Variants in NIM1K observed in about 807,000 individuals in gnomAD.
The protein encoded by NIM1K is serine/threonine-protein kinase NIM1.
A neutral mutation model predicts 37.1 loss-of-function variants in NIM1K; 35 were observed. That is an observed-to-expected ratio of 0.94 (90% CI 0.72 to 1.25). The LOEUF (loss-of-function observed/expected upper bound fraction) is 1.25, where lower values mean the gene tolerates loss of function less well. Among genes scored for constraint, NIM1K ranks in the 50% most tolerant of loss-of-function variants. The pLI, the probability that NIM1K is intolerant of heterozygous loss-of-function variation, is 0.00. For missense variants in NIM1K, 564 were observed against 548.0 expected (o/e 1.03, Z -0.29); for synonymous variants, 234 against 206.6 (o/e 1.13, Z -1.14).
At chr5:43,257,257 C>T (rs1018715596) in intron 2 of NIM1K, among the ~76,000 whole-genome samples, 1 of 151,370 alleles carries the variant, frequency 6.6e-6, no homozygotes, top group Non-Finnish European at 1.5e-5. Context: ...CTGATTTTAG[C>T]AATTTGGAGG....
chr5:43,256,584 C>T (rs1483451892), intron 2 of NIM1K, among the ~76,000 whole-genome samples: 1 of 152,142 alleles, frequency 6.6e-6, no homozygotes, highest in Non-Finnish European at 1.5e-5. Flanking sequence ...CCCCATTCCC[C>T]CTTGGGCCTT....
At chr5:43,252,831 A>G (rs937642245) in intron 2 of NIM1K, among the ~76,000 whole-genome samples, 1 of 152,160 alleles carries the variant, frequency 6.6e-6, no homozygotes, top group African/African-American at 2.4e-5. Context: ...AAACAAAAGA[A>G]GTGGCAGCGA....
intron 2 of NIM1K, among the ~76,000 whole-genome samples, chr5:43,260,543 TA>T (rs1389479032): frequency 6.6e-6 from 1 of 152,218 alleles, no homozygotes; most frequent in African/African-American, 2.4e-5. Flanking sequence ...GTTTTGTTTT[TA>T]ATTCTGTTTA....
At chr5:43,255,509 G>T (rs1384645269) in intron 2 of NIM1K, among the ~76,000 whole-genome samples, 2 of 152,180 alleles carry the variant, frequency 1.3e-5, no homozygotes, top group African/African-American at 2.4e-5. Flanking sequence ...CCAGCACTTT[G>T]GGAGGCCAAG....
chr5:43,234,198 A>T (rs1327589634), intron 1 of NIM1K, among the ~76,000 whole-genome samples: 1 of 152,168 alleles, frequency 6.6e-6, no homozygotes, highest in Non-Finnish European at 1.5e-5. Flanking sequence ...GTGAAAAGGG[A>T]ATGACAATAC....
intron 2 of NIM1K, among the ~76,000 whole-genome samples, chr5:43,247,010 C>T (rs1461325638): frequency 6.6e-6 from 1 of 152,174 alleles, no homozygotes; most frequent in Admixed American, 6.5e-5. Flanking sequence ...GCCACCATGT[C>T]TCCAAGGCCC....
rs142537274 is a variant in NIM1K, at chr5:43,260,699, G to A, written c.292+14632G>A. 5.9e-5 allele frequency among the ~76,000 whole-genome samples: 9 copies of A among 152,098 alleles called. No homozygotes were observed. In the East Asian group the frequency reaches 1.4e-3, roughly 23 times the overall value. ...ATATGTATACATGTGCCATATTGGT[G>A]TGCTGTACCCATTAACTGATCATTT... On this transcript the variant is annotated intron_variant, in intron 2 of 3. Coordinates refer to ENST00000326035, the MANE Select transcript of NIM1K (RefSeq NM_153361.4).
At chr5:43,222,739 A>G (rs1752398929) in intron 1 of NIM1K, among the ~76,000 whole-genome samples, 2 of 152,034 alleles carry the variant, frequency 1.3e-5, no homozygotes, top group African/African-American at 4.8e-5. Flanking sequence ...CCCTTAAAAA[A>G]AAAAGAAAAA....
intron 1 of NIM1K, among the ~76,000 whole-genome samples, chr5:43,206,365 T>C (rs1260975124): frequency 6.2e-5 from 9 of 144,070 alleles, no homozygotes; most frequent in Non-Finnish European, 1.2e-4. Flanking sequence ...CCAGGAGGGG[T>C]GGTGCGTTCC....
chr5:43,209,748 A>T (rs890707270), intron 1 of NIM1K, among the ~76,000 whole-genome samples: 4 of 151,982 alleles, frequency 2.6e-5, no homozygotes, highest in Non-Finnish European at 4.4e-5. Flanking sequence ...CCTCCAGAGT[A>T]GCTGGGATTA....
intron 1 of NIM1K, chr5:43,207,575 C>T (rs1258377100): frequency 1.5e-6 from 1 of 683,350 alleles, no homozygotes; most frequent in Non-Finnish European, 2.8e-6. Flanking sequence ...GTTTCTCAGA[C>T]TGAATCTTGA....
chr5:43,277,174 A>G lies in NIM1K; in HGVS notation c.410A>G (p.Tyr137Cys), dbSNP rs1354893347. 2 of 1,614,124 alleles carry G rather than the reference A, an allele frequency of 1.2e-6. No homozygotes were observed. The highest frequency in any genetic ancestry group is 1.7e-6 in the Non-Finnish European group (2 of 1,180,012). ...KLHHPNIIRL[Y>C]EVVETLSKLH... ...CACCATCCCAACATCATCCGCCTTT[A>G]CGAAGTGGTGGAGACCCTATCCAAG... The change falls in exon 3 of 4, where the codon TAC becomes TGC. Residue 137 changes from tyrosine (Y) to cysteine (C), a missense_variant. Tyr to Cys is a radical substitution (Grantham distance 194). Transcript: ENST00000326035.
At chr5:43,211,877 G>A (rs1752209655) in intron 1 of NIM1K, among the ~76,000 whole-genome samples, 2 of 151,734 alleles carry the variant, frequency 1.3e-5, no homozygotes, top group South Asian at 2.1e-4. Context: ...TGGGAAGTAG[G>A]GAAGCCTGCT....
chr5:43,212,492 C>T (rs1025198281), intron 1 of NIM1K, among the ~76,000 whole-genome samples: 6 of 151,586 alleles, frequency 4.0e-5, no homozygotes, highest in Non-Finnish European at 7.4e-5. Context: ...CTGTAACATA[C>T]CATGGTTTCA....
At chr5:43,196,527 C>G (rs1335933380) in intron 1 of NIM1K, among the ~76,000 whole-genome samples, 2 of 151,098 alleles carry the variant, frequency 1.3e-5, no homozygotes, top group East Asian at 3.9e-4. Flanking sequence ...CCCAGCTACT[C>G]GGGAGGCTGA....
At chr5:43,267,214 C>T (rs1455129778) in intron 2 of NIM1K, among the ~76,000 whole-genome samples, 3 of 152,130 alleles carry the variant, frequency 2.0e-5, no homozygotes, top group Non-Finnish European at 4.4e-5. Context: ...AGGAATTTAT[C>T]CATTTCTTCT....
intron 2 of NIM1K, among the ~76,000 whole-genome samples, chr5:43,266,321 C>T (rs1213001275): frequency 2.0e-5 from 3 of 152,190 alleles, no homozygotes; most frequent in South Asian, 2.1e-4. Flanking sequence ...TCAGCAATGG[C>T]GGATGTCCCT....
Position 43,268,542 on chromosome 5 carries a change from C to T in NIM1K, c.293-8515C>T, listed in dbSNP as rs74440964. ...TCCATATGGGTCCAAGTGAAGCCAT[C>T]GGTGTCAGACATGCAAAAAACCTGA... On this transcript the variant is annotated intron_variant, in intron 2 of 3. Transcript: ENST00000326035. Among the ~76,000 whole-genome samples, 259 of 152,076 alleles carry T rather than the reference C, an allele frequency of 1.7e-3. 6 individuals carry two copies. In the East Asian group the frequency reaches 0.045, roughly 26 times the overall value.
At chr5:43,279,587 C>G (rs999504845) in intron 3 of NIM1K, among the ~76,000 whole-genome samples, 2 of 152,188 alleles carry the variant, frequency 1.3e-5, no homozygotes, top group Admixed American at 1.3e-4. Context: ...GCCGGAAAGT[C>G]AGGGGAGGGC....
Sources: allele counts gnomAD v4.1 joint callset (sites outside exome capture counted in the v4.1 genomes callset), GRCh38; gene constraint gnomAD v4.1.1; transcripts MANE v1.5; gene names NCBI Gene and HGNC (gene_info 2026-07-23, HGNC 2026-07-21).